Variants in SLC49A4 observed in about 807,000 individuals in gnomAD.
SLC49A4 encodes solute carrier family 49 member 4, also known as disrupted in renal cancer protein 2.
In SLC49A4, 36 loss-of-function variants were observed where a neutral mutation model predicts 50.6. That is an observed-to-expected ratio of 0.71 (90% CI 0.55 to 0.94). The LOEUF (loss-of-function observed/expected upper bound fraction) is 0.94. Ranked by LOEUF, SLC49A4 falls within the 40% of genes least tolerant of loss-of-function variation. The pLI is 0.00. For missense variants in SLC49A4, 503 were observed against 605.7 expected, an observed-to-expected ratio of 0.83 and a Z score of 1.78; for synonymous variants, 248 against 241.2, an observed-to-expected ratio of 1.03 and a Z score of -0.26.
chr3:122,860,945 G>A (rs1197440398), intron 7 of SLC49A4, among the ~76,000 whole-genome samples: 1 of 152,088 alleles, frequency 6.6e-6, no homozygotes, highest in East Asian at 1.9e-4. Context: ...AACTTCTAGA[G>A]GTCACCCACA....
intron 8 of SLC49A4, among the ~76,000 whole-genome samples, chr3:122,874,298 G>T (rs2107585006): frequency 6.6e-6 from 1 of 152,284 alleles, no homozygotes; most frequent in East Asian, 1.9e-4. Flanking sequence ...ACAGCATCTG[G>T]TGTCTGGAGT....
At chr3:122,860,276 ACTT>A (rs1937045509) in intron 7 of SLC49A4, 74 bp downstream of exon 7, 8 of 1,334,120 alleles carry the variant, frequency 6.0e-6, no homozygotes, top group East Asian at 5.5e-5. Flanking sequence ...TGACAGTAGG[ACTT>A]CTTCTTGCTT....
chr3:122,807,224 TTA>T (rs55742114), intron 2 of SLC49A4, among the ~76,000 whole-genome samples: 102,802 of 150,704 alleles, frequency 0.68, 35,718 homozygotes, highest in Non-Finnish European at 0.77. Context: ...ATATAACATA[TTA>T]TATATATATA....
intron 5 of SLC49A4, among the ~76,000 whole-genome samples, chr3:122,849,040 A>C (rs1220186869): frequency 6.6e-6 from 1 of 152,194 alleles, no homozygotes; most frequent in Non-Finnish European, 1.5e-5. Flanking sequence ...TAGTTCCCAC[A>C]TATGAATGAG....
chr3:122,795,087 G>T lies in SLC49A4; in HGVS notation c.-106G>T, dbSNP rs1395960992. Reference sequence around the variant, plus strand: ...CAGGCGCGGTCCGGAGGCCGAGGGCGACCACAGCAGCCTCCGCCTCCTGCT... The same window carrying T: ...CAGGCGCGGTCCGGAGGCCGAGGGCTACCACAGCAGCCTCCGCCTCCTGCT... On this transcript the variant is annotated 5_prime_UTR_variant, in exon 1 of 9. Transcript: ENST00000261038. 10 of 1,200,772 alleles carry T rather than the reference G, an allele frequency of 8.3e-6. No homozygotes were observed. Among genetic ancestry groups the T allele is most frequent in the African/African-American group, 3.2e-5 (2 of 63,366 alleles). The allele number at this position is 1,200,772 out of a possible 1,614,324, so 74.4% of individuals were successfully genotyped here.
rs1936510886 is a variant in SLC49A4 at position 122,825,328 on chromosome 3, T to C, written c.438-1472T>C. Among the ~76,000 whole-genome samples, 3 of 152,220 alleles carry C rather than the reference T, an allele frequency of 2.0e-5. No individual in the cohort carries two copies. In the South Asian group the frequency reaches 6.2e-4, roughly 31 times the overall value. ...TGCTGTGGGACAGCTTTGGTTCCAC[T>C]GGCTTTTGGAGGACATAAACAGTTT... On this transcript the variant is annotated intron_variant, in intron 2 of 8. Coordinates refer to ENST00000261038, the MANE Select transcript of SLC49A4 (RefSeq NM_032839.3).
intron 1 of SLC49A4, among the ~76,000 whole-genome samples, chr3:122,804,034 T>C (rs759231315): frequency 2.8e-4 from 42 of 152,288 alleles, no homozygotes; most frequent in Non-Finnish European, 4.4e-4. Flanking sequence ...TATAAAGAAA[T>C]ACCTGAGGCT....
At chr3:122,804,637 G>A (rs1332160165) in intron 1 of SLC49A4, among the ~76,000 whole-genome samples, 3 of 152,222 alleles carry the variant, frequency 2.0e-5, no homozygotes, top group South Asian at 2.1e-4. Flanking sequence ...TACTTGTGAG[G>A]TTGCTTTATT....
intron 8 of SLC49A4, among the ~76,000 whole-genome samples, chr3:122,873,811 A>G (rs6794427): frequency 0.93 from 141,569 of 152,286 alleles, 66,140 homozygotes; most frequent in Middle Eastern, 0.99. Context: ...TTTCTCAACA[A>G]CGAAGTCTGA....
At position 122,880,133 on chromosome 3, in the gene SLC49A4, A is replaced by C. The variant is rs184772112; in HGVS notation, c.*755A>C. 29 of 152,342 alleles carry C rather than the reference A, an allele frequency of 1.9e-4. No individual in the cohort carries two copies. Among genetic ancestry groups the C allele is most frequent in the Admixed American group, 1.9e-3 (29 of 15,300 alleles). 9.4% of individuals were successfully genotyped at this position (152,342 alleles called of 1,614,324 possible). ...ATATTGTATGAAAAAATGTAATTCC[A>C]TTAGGATCTAGCACTTTGTTACAAG... On this transcript the variant is annotated 3_prime_UTR_variant, in exon 9 of 9. Coordinates refer to ENST00000261038, the MANE Select transcript of SLC49A4 (RefSeq NM_032839.3).
intron 4 of SLC49A4, among the ~76,000 whole-genome samples, chr3:122,845,281 G>C (rs188209794): frequency 1.3e-5 from 2 of 152,268 alleles, no homozygotes; most frequent in Non-Finnish European, 2.9e-5. Context: ...CCGTGTTGCT[G>C]CAAAGGTTGT....
chr3:122,853,262 A>G (rs1936946885), intron 5 of SLC49A4, among the ~76,000 whole-genome samples: 1 of 152,102 alleles, frequency 6.6e-6, no homozygotes, highest in African/African-American at 2.4e-5. Context: ...ATTACTTCCT[A>G]AAGGCCCCCA....
intron 8 of SLC49A4, among the ~76,000 whole-genome samples, chr3:122,876,798 A>T (rs1937272980): frequency 6.6e-6 from 1 of 152,218 alleles, no homozygotes; most frequent in Admixed American, 6.5e-5. Flanking sequence ...AATCCCAATT[A>T]ATTCAGTCCC....
chr3:122,868,115 C>CA (rs748874580), intron 7 of SLC49A4, among the ~76,000 whole-genome samples: 1,199 of 99,450 alleles, frequency 0.012, 8 homozygotes, highest in African/African-American at 0.033. Context: ...ACTCCGTCTC[C>CA]AAAAAAAAAA....
intron 1 of SLC49A4, 22 bp downstream of exon 1, chr3:122,795,557 G>T: frequency 6.4e-7 from 1 of 1,571,318 alleles, no homozygotes; most frequent in Non-Finnish European, 8.6e-7. Context: ...CGGAGCGCCA[G>T]CCCGCGCTGT....
intron 6 of SLC49A4, 133 bp from the exon 7 acceptor site, chr3:122,859,941 TA>T: frequency 2.3e-6 from 2 of 884,044 alleles, no homozygotes; most frequent in Non-Finnish European, 3.2e-6. Context: ...AAATTTGTTT[TA>T]AAAAAACACT....
chr3:122,875,215 A>C (rs569095340), intron 8 of SLC49A4, among the ~76,000 whole-genome samples: 1 of 152,350 alleles, frequency 6.6e-6, no homozygotes, highest in Non-Finnish European at 1.5e-5. Flanking sequence ...TAAACATTTT[A>C]TATGATAAAC....
At chr3:122,796,520 AG>A (rs1936043086) in intron 1 of SLC49A4, among the ~76,000 whole-genome samples, 1 of 152,194 alleles carries the variant, frequency 6.6e-6, no homozygotes, top group African/African-American at 2.4e-5. Flanking sequence ...ATGAAGGCTC[AG>A]GCAGAATCGG....
chr3:122,859,819 A>T (rs1937035153), intron 6 of SLC49A4, among the ~76,000 whole-genome samples: 1 of 152,342 alleles, frequency 6.6e-6, no homozygotes, highest in Non-Finnish European at 1.5e-5. Context: ...CTGTCTCTAA[A>T]AAAAAGTAAA....
Sources: allele counts gnomAD v4.1 joint callset (sites outside exome capture counted in the v4.1 genomes callset), GRCh38; gene constraint gnomAD v4.1.1; transcripts MANE v1.5; gene names NCBI Gene and HGNC (gene_info 2026-07-23, HGNC 2026-07-21).